TASP1: variants seen among roughly 807,000 people sequenced by gnomAD.
TASP1 encodes threonine aspartase 1.
In TASP1, 16 loss-of-function variants were observed where a neutral mutation model predicts 56.6. The ratio of observed to expected loss-of-function variants is 0.28; its 90% CI spans 0.19 to 0.43. The LOEUF is 0.43. Ranked by LOEUF, TASP1 falls within the 20% of genes least tolerant of loss-of-function variation. TASP1 has a pLI of 1.00. For synonymous variants in TASP1, 179 were observed against 184.2 expected, an observed-to-expected ratio of 0.97 and a Z score of 0.23; for missense variants, 393 against 511.6, an observed-to-expected ratio of 0.77 and a Z score of 2.24.
At chr20:13,593,587 C>T (rs1461670764) in intron 4 of TASP1, among the ~76,000 whole-genome samples, 2 of 152,204 alleles carry the variant, frequency 1.3e-5, no homozygotes, top group African/African-American at 4.8e-5. Context: ...ACCCATGGAG[C>T]CTTGCTCACT....
the TASP1 span, among the ~76,000 whole-genome samples, chr20:13,340,655 G>A: frequency 6.6e-6 from 1 of 152,190 alleles, no homozygotes; most frequent in South Asian, 2.1e-4. Context: ...TATTTATCAT[G>A]TTTTAGGGGT....
At chr20:13,152,450 A>C in the TASP1 span, among the ~76,000 whole-genome samples, 1 of 152,186 alleles carries the variant, frequency 6.6e-6, no homozygotes, top group East Asian at 1.9e-4. Flanking sequence ...CGTCCAAAAA[A>C]ATGGTCTGGC....
chr20:13,496,932 T>C (rs1027896304), intron 10 of TASP1, among the ~76,000 whole-genome samples: 4 of 152,332 alleles, frequency 2.6e-5, no homozygotes, highest in East Asian at 1.9e-4. Context: ...GTCTCTTCTA[T>C]TCCTAAGGAA....
intron 11 of TASP1, among the ~76,000 whole-genome samples, chr20:13,481,523 T>C (rs2043141865): frequency 6.6e-6 from 1 of 152,196 alleles, no homozygotes; most frequent in African/African-American, 2.4e-5. Context: ...GTTGTACTAA[T>C]TTACATTCCC....
In TASP1 at chr20:13,603,327, C is replaced by T. The variant is rs183507723; in HGVS notation, c.283-15957G>A. On this transcript the variant is annotated intron_variant, in intron 4 of 13. Transcript: ENST00000337743. ...CCAAGGTGGGCAGACAGCTTGAATC[C>T]GGCAGTTCAAGACCAGCCTGAGAAA... is the stretch of plus-strand genomic sequence containing the variant. Among the ~76,000 whole-genome samples the T allele has an allele frequency of 5.3e-5, 8 of 152,078 alleles. No homozygotes were observed. The East Asian group carries it at 7.7e-4, about 15-fold the overall frequency.
intron 6 of TASP1, among the ~76,000 whole-genome samples, chr20:13,574,014 G>A (rs79427603): frequency 1.5e-3 from 226 of 152,204 alleles, no homozygotes; most frequent in East Asian, 0.014. Context: ...TAGAGAGTAC[G>A]CTAGAGATCT....
intron 10 of TASP1, among the ~76,000 whole-genome samples, chr20:13,491,005 T>A (rs780526345): frequency 6.6e-6 from 1 of 152,200 alleles, no homozygotes; most frequent in Non-Finnish European, 1.5e-5. Context: ...ATTCTCTGTA[T>A]GTTCCTTCTA....
At chr20:13,494,413 T>A (rs925017640) in intron 10 of TASP1, among the ~76,000 whole-genome samples, 4 of 152,138 alleles carry the variant, frequency 2.6e-5, no homozygotes, top group African/African-American at 9.7e-5. Context: ...GAGAAAACCC[T>A]TTTTAAAAGC....
chr20:13,438,290 C>A (rs2043084211), intron 11 of TASP1, among the ~76,000 whole-genome samples: 2 of 152,326 alleles, frequency 1.3e-5, no homozygotes, highest in East Asian at 3.9e-4. Flanking sequence ...CAGCATGGTA[C>A]TGGTACCAAA....
intron 13 of TASP1, among the ~76,000 whole-genome samples, chr20:13,398,516 G>A (rs1328515348): frequency 6.6e-6 from 1 of 152,190 alleles, no homozygotes; most frequent in Admixed American, 6.5e-5. Context: ...AGACCTGTGT[G>A]ACTCTGTCAA....
intron 12 of TASP1, 151 bp from the exon 13 acceptor site, chr20:13,417,672 T>A: frequency 1.2e-6 from 1 of 806,950 alleles, no homozygotes; most frequent in Admixed American, 3.0e-5. Flanking sequence ...CAAGATGATT[T>A]ATCACTAAAA....
In TASP1 at chr20:13,559,102, G is replaced by T; in HGVS notation, c.581C>A (p.Ala194Asp). ...TTTCCTCTTGTTTCTTTTAAATGCA[G>T]CTAAACTGAATCCTATAAAATAAAA... ...PNIMTTRFSL[A>D]AFKRNKRKLE... is the part of the protein sequence containing the mutation. Residue 194 changes from alanine to aspartate, a missense_variant, in exon 8 of 14, where the codon GCT becomes GAT. Around this residue, in one of 3 missense-constraint regions of TASP1, gnomAD observed 293 missense variants for 354.2 expected, o/e 0.83. Transcript: ENST00000337743. The T allele has an allele frequency of 6.4e-7, 1 of 1,564,766 alleles. No individual in the cohort carries two copies. The highest frequency in any genetic ancestry group is 1.4e-5 in the African/African-American group (1 of 72,996).
chr20:13,233,571 G>A, the TASP1 span, among the ~76,000 whole-genome samples: 1 of 149,546 alleles, frequency 6.7e-6, no homozygotes, highest in Non-Finnish European at 1.5e-5. Context: ...TTCCTGCCTG[G>A]GCAACAAGAG....
chr20:13,602,159 G>T (rs527995319), intron 4 of TASP1, among the ~76,000 whole-genome samples: 1 of 151,346 alleles, frequency 6.6e-6, no homozygotes, highest in South Asian at 2.1e-4. Flanking sequence ...GATTACAGGC[G>T]TGAGCCACCG....
At chr20:13,199,613 T>C in the TASP1 span, among the ~76,000 whole-genome samples, 1 of 152,220 alleles carries the variant, frequency 6.6e-6, no homozygotes, top group South Asian at 2.1e-4. Context: ...CAGGAATGCC[T>C]CTTAACATGA....
chr20:13,195,170 TTG>T, the TASP1 span, among the ~76,000 whole-genome samples: 1 of 152,294 alleles, frequency 6.6e-6, no homozygotes, highest in East Asian at 1.9e-4. Flanking sequence ...ACAATTACTT[TTG>T]CACCAACTTA....
the TASP1 span, among the ~76,000 whole-genome samples, chr20:13,143,621 C>T: frequency 3.3e-5 from 5 of 152,128 alleles, no homozygotes; most frequent in African/African-American, 1.2e-4. Context: ...TGGGGGGCTT[C>T]CCCATCAATT....
intron 4 of TASP1, chr20:13,617,254 A>G (rs1190256322): frequency 8.8e-6 from 2 of 226,142 alleles, no homozygotes; most frequent in Middle Eastern, 1.7e-3. Flanking sequence ...GAAATAATCA[A>G]TAATACCAAG....
intron 4 of TASP1, among the ~76,000 whole-genome samples, chr20:13,604,987 C>CAT (rs3042652): frequency 0.031 from 4,295 of 140,364 alleles, 80 homozygotes; most frequent in East Asian, 0.085. Flanking sequence ...AGACATAATA[C>CAT]ATATATATAT....
Sources: gnomAD v4.1 joint callset for allele counts (sites outside exome capture counted in the v4.1 genomes callset) on GRCh38, gnomAD v4.1.1 for gene constraint, gnomAD v4.1.1 regional missense constraint, MANE v1.5 for transcripts, NCBI Gene and HGNC (gene_info 2026-07-23, HGNC 2026-07-21) for gene names.